The following RELL1 variants were observed in gnomAD, a reference collection of about 807,000 sequenced individuals.
The protein encoded by RELL1 is RELT like 1.
In RELL1, 10 loss-of-function variants were observed where a neutral mutation model predicts 23.0. That is an observed-to-expected ratio of 0.43 (90% confidence interval 0.27 to 0.74). The LOEUF is 0.74. Among genes scored for constraint, RELL1 ranks in the 30% least tolerant of loss-of-function variants. The probability of loss-of-function intolerance (pLI) is 0.19; values close to 1 mark genes in which losing one functional copy is unlikely to be tolerated. For synonymous variants in RELL1, 146 were observed against 146.8 expected (o/e 0.99, Z 0.04); for missense variants, 315 against 364.4 (o/e 0.86, Z 1.10).
In RELL1 at chr4:37,597,103, TTATAA is replaced by T. The variant is rs1718885076; in HGVS notation, c.*4-5891_*4-5887del. ...ATACACATGAGTGTGGACCACGCAC[TTATAA>T]TATAAGCCCACTTGCAAATCCAGTC... On this transcript the variant is annotated intron_variant, in intron 6 of 6. Coordinates refer to the RELL1 transcript ENST00000314117. Among the ~76,000 whole-genome samples the T allele has an allele frequency of 3.3e-5, 5 of 152,186 alleles. No homozygotes were observed. The South Asian group carries it at 6.2e-4, about 19-fold the overall frequency.
In RELL1 at chr4:37,649,313, T is replaced by C; in HGVS notation, c.276A>G (p.Ala92=). 1 of 1,614,264 alleles carries C rather than the reference T, an allele frequency of 6.2e-7. No homozygotes were observed. The highest frequency in any genetic ancestry group is 1.1e-5 in the South Asian group (1 of 91,088). Residue 92 remains alanine (A), a synonymous_variant, in exon 2 of 7, where the codon GCA becomes GCG. Transcript: ENST00000454158. ...CCTTTTCCTCTTCGATATCTTGCTC[T>C]GCTTCTGTTGTACAACGATAGCCTT... is the stretch of plus-strand genomic sequence containing the variant. ...KKKGYRCTTE[A]EQDIEEEKVE...
intron 1 of RELL1, among the ~76,000 whole-genome samples, chr4:37,666,790 T>C (rs1450938155): frequency 1.3e-5 from 2 of 152,206 alleles, no homozygotes; most frequent in Admixed American, 1.3e-4. Context: ...AGTGTTTCTC[T>C]TCCTTCCAGG....
chr4:37,675,047 T>C (rs970242776), intron 1 of RELL1, among the ~76,000 whole-genome samples: 4 of 152,206 alleles, frequency 2.6e-5, no homozygotes, highest in African/African-American at 7.2e-5. Context: ...CAAAATTTTA[T>C]AAAAATCATT....
At chr4:37,649,603 A>G (rs924346689) in intron 1 of RELL1, 103 bp from the exon 2 acceptor site, 9 of 1,015,708 alleles carry the variant, frequency 8.9e-6, no homozygotes, top group Non-Finnish European at 1.3e-5. Context: ...CTGCTCCCGA[A>G]ACCACAGGCC....
intron 4 of RELL1, among the ~76,000 whole-genome samples, chr4:37,635,690 G>T (rs1720302744): frequency 6.6e-6 from 1 of 152,174 alleles, no homozygotes; most frequent in Non-Finnish European, 1.5e-5. Context: ...ATAAACCACT[G>T]CTTCTAATAG....
At chr4:37,683,562 G>C (rs1315325389) in intron 1 of RELL1, among the ~76,000 whole-genome samples, 3 of 151,458 alleles carry the variant, frequency 2.0e-5, no homozygotes, top group Non-Finnish European at 2.9e-5. Context: ...TTACAAACCA[G>C]CATAGCCAAC....
At chr4:37,595,443 G>A (rs932480690) in intron 6 of RELL1, among the ~76,000 whole-genome samples, 2 of 152,080 alleles carry the variant, frequency 1.3e-5, no homozygotes, top group African/African-American at 4.8e-5. Flanking sequence ...GTTAGTGTAC[G>A]GCACAAGGGG....
intron 4 of RELL1, among the ~76,000 whole-genome samples, chr4:37,636,391 C>T (rs1720329679): frequency 6.6e-6 from 1 of 152,030 alleles, no homozygotes; most frequent in South Asian, 2.1e-4. Context: ...GTCAGGAGAT[C>T]GAGACCATCC....
chr4:37,586,374 C>T (rs1310290578), downstream of RELL1, among the ~76,000 whole-genome samples: 2 of 152,112 alleles, frequency 1.3e-5, no homozygotes, highest in Non-Finnish European at 2.9e-5. Context: ...TTATTGACTG[C>T]CTGCTCTGTA....
chr4:37,636,713 A>T (rs1418714093), intron 4 of RELL1, among the ~76,000 whole-genome samples: 1 of 152,068 alleles, frequency 6.6e-6, no homozygotes, highest in Non-Finnish European at 1.5e-5. Flanking sequence ...AGCCAAACTG[A>T]GCAGGAATCA....
chr4:37,602,771 A>G (rs1299871100), intron 6 of RELL1, among the ~76,000 whole-genome samples: 1 of 152,222 alleles, frequency 6.6e-6, no homozygotes, highest in African/African-American at 2.4e-5. Flanking sequence ...AATGTCACAC[A>G]GTGGTGAGTG....
intron 1 of RELL1, among the ~76,000 whole-genome samples, chr4:37,670,055 A>AT (rs1487261254): frequency 2.0e-5 from 3 of 147,250 alleles, no homozygotes; most frequent in Non-Finnish European, 4.5e-5. Context: ...ATAAATAAAT[A>AT]TAAAAAAAAA....
At chr4:37,658,266 C>T (rs915008048) in intron 1 of RELL1, among the ~76,000 whole-genome samples, 2 of 151,968 alleles carry the variant, frequency 1.3e-5, no homozygotes, top group African/African-American at 4.8e-5. Context: ...AGGCTGGAAA[C>T]CAAGCAGAAT....
intron 5 of RELL1, among the ~76,000 whole-genome samples, chr4:37,632,746 A>G (rs1285021040): frequency 1.3e-5 from 2 of 152,236 alleles, no homozygotes; most frequent in Admixed American, 1.3e-4. Context: ...GAAAAACTAA[A>G]GGAAGTTAAG....
intron 5 of RELL1, among the ~76,000 whole-genome samples, chr4:37,632,014 G>T (rs1427019421): frequency 6.5e-5 from 9 of 138,688 alleles, no homozygotes; most frequent in Non-Finnish European, 1.4e-4. Context: ...AGGAGCTGGA[G>T]GTTGCAGTGA....
chr4:37,633,963 C>T (rs1426572564), intron 5 of RELL1, among the ~76,000 whole-genome samples: 1 of 152,228 alleles, frequency 6.6e-6, no homozygotes, highest in African/African-American at 2.4e-5. Context: ...GTAAGCAGCA[C>T]TGTTGACTTT....
At chr4:37,603,862 A>T (rs1338192899) in intron 6 of RELL1, among the ~76,000 whole-genome samples, 1 of 152,192 alleles carries the variant, frequency 6.6e-6, no homozygotes, top group Non-Finnish European at 1.5e-5. Flanking sequence ...TCTGTCACCT[A>T]GGCTTGAATG....
At chr4:37,665,915 T>A (rs1347165428) in intron 1 of RELL1, among the ~76,000 whole-genome samples, 3 of 151,948 alleles carry the variant, frequency 2.0e-5, no homozygotes, top group African/African-American at 7.2e-5. Context: ...ACTAATCACA[T>A]GGGGAAAAAA....
At position 37,635,017 on chromosome 4, in the gene RELL1, C is replaced by A. The variant is rs1262538389; in HGVS notation, c.550G>T (p.Gly184Cys). The A allele has an allele frequency of 6.2e-7, 1 of 1,614,092 alleles. No individual in the cohort carries two copies. The highest frequency in any genetic ancestry group is 1.7e-5 in the Admixed American group (1 of 60,006). The change falls in exon 5 of 7, where the codon GGC becomes TGC. Residue 184 changes from glycine to cysteine, a missense_variant. Coordinates refer to ENST00000454158, the MANE Select transcript of RELL1 (RefSeq NM_001085400.2). ...HVCGHHLHTVGGVVERDVCHR... is the reference protein window; with the variant it reads ...HVCGHHLHTVCGVVERDVCHR... Reference sequence around the variant, plus strand: ...CACACATCCCTCTCGACAACACCGCCCACCGTATGCAGATGATGGCCACAG... The same window carrying A: ...CACACATCCCTCTCGACAACACCGCACACCGTATGCAGATGATGGCCACAG...
Sources: gnomAD v4.1 joint callset for allele counts (sites outside exome capture counted in the v4.1 genomes callset) on GRCh38, gnomAD v4.1.1 for gene constraint, MANE v1.5 for transcripts, NCBI Gene and HGNC (gene_info 2026-07-23, HGNC 2026-07-21) for gene names.